The following PTPRK variants were observed in gnomAD, a reference collection of about 807,000 sequenced individuals.
PTPRK encodes the protein receptor-type tyrosine-protein phosphatase kappa.
A neutral mutation model predicts 178.0 loss-of-function variants in PTPRK; 75 were observed. That is an observed-to-expected ratio of 0.42 (90% CI 0.35 to 0.51). PTPRK has a LOEUF of 0.51. Among genes scored for constraint, PTPRK ranks in the 20% least tolerant of loss-of-function variants. The pLI, the probability that PTPRK is intolerant of heterozygous loss-of-function variation, is 0.02. For synonymous variants in PTPRK, 637 were observed against 620.6 expected (o/e 1.03, Z -0.39); for missense variants, 1,441 against 1,797.8 (o/e 0.80, Z 3.59).
intron 6 of PTPRK, among the ~76,000 whole-genome samples, chr6:128,208,309 A>AAAAAAT (rs1807348060): frequency 6.6e-6 from 1 of 151,968 alleles, no homozygotes; most frequent in African/African-American, 2.4e-5. Context: ...AAAAAAAAAA[A>AAAAAAT]AAAAAAATTC....
chr6:128,319,846 C>CTAA (rs1828541746), intron 3 of PTPRK, among the ~76,000 whole-genome samples: 1 of 152,086 alleles, frequency 6.6e-6, no homozygotes, highest in Non-Finnish European at 1.5e-5. Context: ...ACAGGTACAA[C>CTAA]TAATAATCTA....
At chr6:127,973,435 A>C (rs1774169328) in intron 28 of PTPRK, among the ~76,000 whole-genome samples, 1 of 152,190 alleles carries the variant, frequency 6.6e-6, no homozygotes, top group Non-Finnish European at 1.5e-5. Flanking sequence ...AGAAGTTGTT[A>C]CGAGTAGTGT....
Position 128,136,442 on chromosome 6 carries a change from A to G in PTPRK, c.1163-46450T>C, listed in dbSNP as rs556425038. Among the ~76,000 whole-genome samples the G allele has an allele frequency of 2.2e-4, 34 of 152,354 alleles. No individual in the cohort carries two copies. The South Asian group carries it at 6.8e-3, about 31-fold the overall frequency. ...GATCGGAATGTGTAAGGGAAGATGC[A>G]TAATTCATTTAATAAAATGGCATCC... On this transcript the variant is annotated intron_variant, in intron 7 of 29. Coordinates refer to ENST00000368226, the MANE Select transcript of PTPRK (RefSeq NM_002844.4).
At chr6:128,154,978 T>G (rs1180823999) in intron 7 of PTPRK, among the ~76,000 whole-genome samples, 2 of 151,826 alleles carry the variant, frequency 1.3e-5, no homozygotes. Context: ...GCCTTTTAAG[T>G]CTCTTTAATC....
chr6:128,373,648 T>C (rs1385045541), intron 2 of PTPRK, among the ~76,000 whole-genome samples: 2 of 152,210 alleles, frequency 1.3e-5, no homozygotes, highest in Non-Finnish European at 2.9e-5. Flanking sequence ...TTTTTCATTA[T>C]GCTAATACTA....
At chr6:128,328,217 G>C (rs1215152433) in intron 2 of PTPRK, among the ~76,000 whole-genome samples, 2 of 152,184 alleles carry the variant, frequency 1.3e-5, no homozygotes, top group Admixed American at 1.3e-4. Flanking sequence ...CACTGTGCCA[G>C]CTGTAAAGCA....
At chr6:128,020,438 T>C (rs890856479) in intron 13 of PTPRK, among the ~76,000 whole-genome samples, 2 of 152,208 alleles carry the variant, frequency 1.3e-5, no homozygotes, top group Non-Finnish European at 2.9e-5. Flanking sequence ...TTCATGATAA[T>C]GTCAGTGATA....
chr6:128,267,511 C>T lies in PTPRK; in HGVS notation c.496-24909G>A, dbSNP rs190586018. 5.5e-3 allele frequency among the ~76,000 whole-genome samples: 834 copies of T among 152,172 alleles called. 4 individuals are homozygous for T. Among genetic ancestry groups the T allele is most frequent in the Non-Finnish European group, 8.0e-3 (541 of 67,966 alleles). ...TGATTCCACTGGGATTTTATTTTAA[C>T]TGGATTTGATCCTAAAGCCAATGCT... On this transcript the variant is annotated intron_variant, in intron 3 of 29. Transcript: ENST00000368226.
Position 128,282,457 on chromosome 6 carries a change from T to C in PTPRK, c.495+39582A>G, listed in dbSNP as rs575429163. Among the ~76,000 whole-genome samples the C allele has an allele frequency of 2.4e-3, 360 of 152,268 alleles. 2 individuals are homozygous for C. Among genetic ancestry groups the C allele is most frequent in the Middle Eastern group, 6.8e-3 (2 of 294 alleles). ...AAGTTCAGTAGCTCACTGCTCCCTG[T>C]CATTCCCCAAGAGGCAAGATAACGA... On this transcript the variant is annotated intron_variant, in intron 3 of 29. Coordinates refer to ENST00000368226, the MANE Select transcript of PTPRK (RefSeq NM_002844.4).
chr6:128,110,762 G>C (rs745387785), intron 7 of PTPRK, among the ~76,000 whole-genome samples: 11 of 152,144 alleles, frequency 7.2e-5, no homozygotes, highest in Non-Finnish European at 1.2e-4. Flanking sequence ...TGTATTGAGT[G>C]AAAAAATGAG....
chr6:128,087,932 A>C (rs1786209809), intron 8 of PTPRK, among the ~76,000 whole-genome samples: 1 of 152,206 alleles, frequency 6.6e-6, no homozygotes, highest in African/African-American at 2.4e-5. Context: ...TGAAATTATA[A>C]GTATTTGTAA....
intron 2 of PTPRK, among the ~76,000 whole-genome samples, chr6:128,370,695 AAT>A (rs1836152287): frequency 6.6e-6 from 1 of 152,096 alleles, no homozygotes; most frequent in African/African-American, 2.4e-5. Flanking sequence ...ATCATTTGTA[AAT>A]ATGTTTTAGA....
rs987361773 is a variant in PTPRK, at chr6:128,428,965, T to C, written c.101-31277A>G. Among the ~76,000 whole-genome samples, 7 of 152,220 alleles carry C rather than the reference T, an allele frequency of 4.6e-5. No individual in the cohort carries two copies. The East Asian group carries it at 1.3e-3, about 29-fold the overall frequency. ...TGAACATATTTAAGGTGGAATAAGC[T>C]AGGTTGTAATTTTCATTAGGTTAGG... is the stretch of plus-strand genomic sequence containing the variant. On this transcript the variant is annotated intron_variant, in intron 1 of 29. Coordinates refer to ENST00000368226, the MANE Select transcript of PTPRK (RefSeq NM_002844.4).
chr6:128,051,131 T>A (rs1024619765), intron 13 of PTPRK, among the ~76,000 whole-genome samples: 1 of 152,192 alleles, frequency 6.6e-6, no homozygotes, highest in Non-Finnish European at 1.5e-5. Flanking sequence ...CCTATTGTTT[T>A]AAAAGATATG....
At chr6:128,109,020 T>C (rs955621730) in intron 7 of PTPRK, among the ~76,000 whole-genome samples, 20 of 152,272 alleles carry the variant, frequency 1.3e-4, no homozygotes, top group African/African-American at 4.6e-4. Flanking sequence ...ATATGGATTT[T>C]GGGGGAACAC....
intron 7 of PTPRK, among the ~76,000 whole-genome samples, chr6:128,131,168 T>A (rs1345018870): frequency 6.6e-6 from 1 of 152,176 alleles, no homozygotes; most frequent in Non-Finnish European, 1.5e-5. Context: ...GGACTACAGA[T>A]TGTGCAGGGA....
At chr6:128,499,545 C>T (rs1855240159) in intron 1 of PTPRK, among the ~76,000 whole-genome samples, 1 of 152,200 alleles carries the variant, frequency 6.6e-6, no homozygotes, top group East Asian at 1.9e-4. Context: ...AAACTCTATG[C>T]TCTTTGCACT....
intron 13 of PTPRK, among the ~76,000 whole-genome samples, chr6:128,060,562 C>T (rs76895618): frequency 6.6e-6 from 1 of 151,940 alleles, no homozygotes. Context: ...AATGTGAGTA[C>T]CAGGAAAGCA....
At chr6:128,036,660 C>A (rs1247638165) in intron 13 of PTPRK, among the ~76,000 whole-genome samples, 1 of 150,750 alleles carries the variant, frequency 6.6e-6, no homozygotes, top group Non-Finnish European at 1.5e-5. Context: ...ATAGATACAT[C>A]AAAAATTGTA....
Sources: allele counts gnomAD v4.1 joint callset (sites outside exome capture counted in the v4.1 genomes callset), GRCh38; gene constraint gnomAD v4.1.1; transcripts MANE v1.5; gene names NCBI Gene and HGNC (gene_info 2026-07-23, HGNC 2026-07-21).